COP1: variants seen among roughly 807,000 people sequenced by gnomAD.
COP1 encodes the protein E3 ubiquitin-protein ligase COP1.
COP1 carries 24 observed loss-of-function variants against 101.3 expected under a neutral mutation model. The observed-to-expected ratio is 0.24, with a 90% CI of 0.17 to 0.33. COP1 has a LOEUF of 0.33. COP1 is among the 10% of genes least tolerant of loss of function. The pLI, the probability that COP1 is intolerant of heterozygous loss-of-function variation, is 1.00. For synonymous variants in COP1, 347 were observed against 341.9 expected (o/e 1.01, Z -0.17); for missense variants, 663 against 906.2 (o/e 0.73, Z 3.45).
At chr1:176,157,849 T>C (rs1206924546) in intron 5 of COP1, among the ~76,000 whole-genome samples, 14 of 151,930 alleles carry the variant, frequency 9.2e-5, no homozygotes, top group Non-Finnish European at 1.2e-4. Context: ...AAGACAGCAA[T>C]AGAAACTATC....
At chr1:176,016,791 A>G (rs1316865641) in intron 15 of COP1, among the ~76,000 whole-genome samples, 3 of 152,198 alleles carry the variant, frequency 2.0e-5, no homozygotes, top group Non-Finnish European at 4.4e-5. Context: ...ACAAAGGTAA[A>G]TAAACAAAAA....
intron 16 of COP1, 110 bp from the exon 17 acceptor site, chr1:175,988,522 G>A: frequency 9.5e-7 from 1 of 1,049,182 alleles, no homozygotes; most frequent in South Asian, 2.0e-5. Flanking sequence ...AGGCTCTGGA[G>A]CCAGACTGAG....
chr1:176,097,522 A>G (rs998193896), intron 9 of COP1, among the ~76,000 whole-genome samples: 3 of 152,080 alleles, frequency 2.0e-5, no homozygotes, highest in Non-Finnish European at 2.9e-5. Flanking sequence ...GTGTACATAT[A>G]TATGTGTTGT....
At chr1:176,165,389 T>TGG (rs1694958747) in intron 3 of COP1, among the ~76,000 whole-genome samples, 1 of 148,198 alleles carries the variant, frequency 6.7e-6, no homozygotes, top group Non-Finnish European at 1.5e-5. Context: ...TGTGTGTGTG[T>TGG]GTGTGTGTGT....
At chr1:175,960,996 C>G (rs546402483) in intron 18 of COP1, among the ~76,000 whole-genome samples, 2 of 152,264 alleles carry the variant, frequency 1.3e-5, no homozygotes, top group African/African-American at 4.8e-5. Flanking sequence ...AAAAAGGGAG[C>G]AGAAAGGTGA....
intron 11 of COP1, among the ~76,000 whole-genome samples, chr1:176,060,445 T>G (rs1381250577): frequency 2.0e-5 from 3 of 152,208 alleles, no homozygotes; most frequent in Non-Finnish European, 4.4e-5. Flanking sequence ...TACTACGACA[T>G]TTTGTCCTCT....
chr1:176,201,630 CA>C (rs1193502875), intron 1 of COP1, among the ~76,000 whole-genome samples: 1 of 152,194 alleles, frequency 6.6e-6, no homozygotes, highest in Non-Finnish European at 1.5e-5. Context: ...TTATAGACTA[CA>C]ATTCCAAGTT....
At chr1:176,029,427 A>G (rs1221130389) in intron 14 of COP1, among the ~76,000 whole-genome samples, 1 of 152,208 alleles carries the variant, frequency 6.6e-6, no homozygotes, top group Admixed American at 6.5e-5. Context: ...AGCAACTATC[A>G]TATCATTTTT....
chr1:176,005,895 G>C (rs947281070), intron 15 of COP1, among the ~76,000 whole-genome samples: 1 of 152,060 alleles, frequency 6.6e-6, no homozygotes, highest in African/African-American at 2.4e-5. Flanking sequence ...TTCAATTCCT[G>C]GGTATCCTTG....
At chr1:176,066,201 G>C (rs1235600405) in intron 11 of COP1, among the ~76,000 whole-genome samples, 1 of 152,066 alleles carries the variant, frequency 6.6e-6, no homozygotes, top group Non-Finnish European at 1.5e-5. Flanking sequence ...TTGTTCAAAT[G>C]ATATAAAAGC....
At chr1:176,008,824 T>G (rs1040178933) in intron 15 of COP1, among the ~76,000 whole-genome samples, 1 of 152,248 alleles carries the variant, frequency 6.6e-6, no homozygotes, top group African/African-American at 2.4e-5. Flanking sequence ...ACTGACATCT[T>G]TAATGAGTTT....
At chr1:176,061,977 T>G (rs138598520) in intron 11 of COP1, among the ~76,000 whole-genome samples, 1 of 152,154 alleles carries the variant, frequency 6.6e-6, no homozygotes, top group African/African-American at 2.4e-5. Context: ...TTCTCATCAC[T>G]AAACAAGAGA....
intron 18 of COP1, among the ~76,000 whole-genome samples, chr1:175,956,569 T>C (rs1650676674): frequency 6.6e-6 from 1 of 152,072 alleles, no homozygotes; most frequent in African/African-American, 2.4e-5. Flanking sequence ...AACAACTAAA[T>C]CTTTTTCTTA....
intron 18 of COP1, among the ~76,000 whole-genome samples, chr1:175,956,540 T>A (rs1650674142): frequency 1.3e-5 from 2 of 151,978 alleles, no homozygotes; most frequent in African/African-American, 4.8e-5. Flanking sequence ...AATTTTAAAA[T>A]ACCATCCACA....
chr1:176,165,952 A>C (rs1695073136), intron 3 of COP1, among the ~76,000 whole-genome samples: 1 of 152,200 alleles, frequency 6.6e-6, no homozygotes, highest in African/African-American at 2.4e-5. Context: ...TTATGAATTT[A>C]ACCATTTGAA....
chr1:175,996,629 G>C (rs899150114), intron 15 of COP1, among the ~76,000 whole-genome samples: 5 of 152,116 alleles, frequency 3.3e-5, no homozygotes, highest in African/African-American at 9.7e-5. Context: ...GCCAAATCAT[G>C]AGTGAACTCC....
intron 15 of COP1, among the ~76,000 whole-genome samples, chr1:176,022,413 T>C (rs993957205): frequency 6.6e-6 from 1 of 152,176 alleles, no homozygotes; most frequent in African/African-American, 2.4e-5. Context: ...GTACAGCCCA[T>C]TCCTAATGTC....
In COP1 at chr1:176,115,782, G is replaced by A. The variant is rs373427286; in HGVS notation, c.1026+842C>T. Among the ~76,000 whole-genome samples, 48 of 151,746 alleles carry A rather than the reference G, an allele frequency of 3.2e-4. No individual in the cohort carries two copies. The East Asian group carries it at 3.7e-3, about 12-fold the overall frequency. On this transcript the variant is annotated intron_variant, in intron 9 of 19. Coordinates refer to ENST00000367669, the MANE Select transcript of COP1 (RefSeq NM_022457.7). ...AAATAAAATATAAAAATAAAAAGTCGAAAAAAGCCTATTAGGCCTCAAAAA... is the reference window on the plus strand; with the variant it reads ...AAATAAAATATAAAAATAAAAAGTCAAAAAAAGCCTATTAGGCCTCAAAAA...
At chr1:176,137,472 G>A (rs560410402) in intron 6 of COP1, among the ~76,000 whole-genome samples, 1 of 152,028 alleles carries the variant, frequency 6.6e-6, no homozygotes, top group Non-Finnish European at 1.5e-5. Context: ...AATTCCTAAC[G>A]CCAGGATGCG....
Sources: allele counts gnomAD v4.1 joint callset (sites outside exome capture counted in the v4.1 genomes callset), GRCh38; gene constraint gnomAD v4.1.1; transcripts MANE v1.5; gene names NCBI Gene and HGNC (gene_info 2026-07-23, HGNC 2026-07-21).